Variants in GRIN2B observed in about 807,000 individuals in gnomAD.
GRIN2B encodes the protein glutamate ionotropic receptor NMDA type subunit 2B, also known as glutamate receptor ionotropic, NMDA 2B.
Under a neutral mutation model 114.5 loss-of-function variants are expected in GRIN2B, and 5 were observed. That is an observed-to-expected ratio of 0.04 (90% CI 0.02 to 0.09). The LOEUF is 0.09. Ranked by LOEUF, GRIN2B falls within the 10% of genes least tolerant of loss-of-function variation. The pLI, the probability that GRIN2B is intolerant of heterozygous loss-of-function variation, is 1.00. For synonymous variants in GRIN2B, 787 were observed against 745.1 expected (o/e 1.06, Z -0.92); for missense variants, 1,108 against 1,943.5 (o/e 0.57, Z 8.08).
chr12:13,965,773 G>A (rs376444622), intron 2 of GRIN2B, among the ~76,000 whole-genome samples: 1 of 151,984 alleles, frequency 6.6e-6, no homozygotes, highest in African/African-American at 2.4e-5. Context: ...TGGAAATTTT[G>A]GAAAGTAAAG....
intron 2 of GRIN2B, among the ~76,000 whole-genome samples, chr12:13,887,690 T>C (rs1866188602): frequency 6.6e-6 from 1 of 152,234 alleles, no homozygotes; most frequent in African/African-American, 2.4e-5. Context: ...GTAATAATTA[T>C]GGAAAGTGAG....
chr12:13,842,480 C>G (rs1002543330), intron 3 of GRIN2B, among the ~76,000 whole-genome samples: 1 of 151,998 alleles, frequency 6.6e-6, no homozygotes, highest in African/African-American at 2.4e-5. Context: ...AATTTCTGTG[C>G]CATTTTCTCC....
chr12:13,621,613 G>GTTTT (rs869106790), intron 5 of GRIN2B, among the ~76,000 whole-genome samples: 1 of 72,368 alleles, frequency 1.4e-5, no homozygotes, highest in African/African-American at 5.6e-5. Context: ...CCTAGTTTTT[G>GTTTT]TTTTTTTTTT....
chr12:13,872,183 T>C (rs554736440), intron 2 of GRIN2B, among the ~76,000 whole-genome samples: 84 of 151,942 alleles, frequency 5.5e-4, no homozygotes, highest in Non-Finnish European at 9.3e-4. Flanking sequence ...CTTCCACTTA[T>C]GGACATAAAG....
intron 3 of GRIN2B, among the ~76,000 whole-genome samples, chr12:13,835,982 G>A (rs11608471): frequency 0.16 from 23,948 of 152,094 alleles, 2,433 homozygotes; most frequent in Non-Finnish European, 0.22. Context: ...GCCTGCTGAG[G>A]GCCAGAGGGA....
At chr12:13,724,176 AC>A (rs1414145177) in intron 4 of GRIN2B, among the ~76,000 whole-genome samples, 1 of 152,042 alleles carries the variant, frequency 6.6e-6, no homozygotes, top group African/African-American at 2.4e-5. Context: ...TCAATATGTG[AC>A]CCCATCTCTC....
At chr12:13,863,754 C>A (rs1182976069) in intron 3 of GRIN2B, among the ~76,000 whole-genome samples, 1 of 152,020 alleles carries the variant, frequency 6.6e-6, no homozygotes, top group Non-Finnish European at 1.5e-5. Context: ...GTAAAAGGTA[C>A]CAGAGAGAAG....
intron 2 of GRIN2B, among the ~76,000 whole-genome samples, chr12:13,881,372 TG>T (rs954769811): frequency 6.6e-6 from 1 of 152,214 alleles, no homozygotes; most frequent in African/African-American, 2.4e-5. Flanking sequence ...TTCCCTTGCC[TG>T]GGCCATTCTC....
chr12:13,597,990 T>C (rs111263582), intron 10 of GRIN2B, among the ~76,000 whole-genome samples: 6 of 152,340 alleles, frequency 3.9e-5, no homozygotes, highest in Middle Eastern at 3.4e-3. Flanking sequence ...CTCTTACAGA[T>C]CCTGCATTCA....
intron 5 of GRIN2B, among the ~76,000 whole-genome samples, chr12:13,624,399 C>A (rs1949548829): frequency 6.6e-6 from 1 of 152,184 alleles, no homozygotes; most frequent in Admixed American, 6.5e-5. Flanking sequence ...TTCTCTTCAG[C>A]CTTCCTGATT....
At position 13,539,531 on chromosome 12, in the gene GRIN2B, C is replaced by T. The variant is rs548972902; in HGVS notation, c.*23252G>A. On this transcript the variant is annotated 3_prime_UTR_variant, in exon 14 of 14. Transcript: ENST00000609686. ...TCCATATATAAAGCCAGTAACAGGA[C>T]TGGGACTGGGAGTGGGGTGGGAAAC... The T allele has an allele frequency of 6.6e-6, 1 of 152,222 alleles. No homozygotes were observed. The highest frequency in any genetic ancestry group is 1.9e-4 in the East Asian group (1 of 5,174). 9.4% of individuals were successfully genotyped at this position (152,222 alleles called of 1,614,324 possible).
At chr12:13,811,360 G>T (rs1864725895) in intron 3 of GRIN2B, among the ~76,000 whole-genome samples, 1 of 152,170 alleles carries the variant, frequency 6.6e-6, no homozygotes, top group Non-Finnish European at 1.5e-5. Flanking sequence ...GAGCCAGGAG[G>T]GTCGCTTGAG....
chr12:13,644,515 A>C (rs1420367226), intron 5 of GRIN2B, among the ~76,000 whole-genome samples: 5 of 152,154 alleles, frequency 3.3e-5, no homozygotes, highest in Admixed American at 6.6e-5. Context: ...ACTGGCTTCA[A>C]CTTAAAATCA....
intron 4 of GRIN2B, among the ~76,000 whole-genome samples, chr12:13,732,718 A>C (rs1367354665): frequency 7.9e-5 from 12 of 152,234 alleles, no homozygotes; most frequent in Admixed American, 7.9e-4. Flanking sequence ...CAGTGAGTAT[A>C]GCTCTTTGCA....
intron 3 of GRIN2B, among the ~76,000 whole-genome samples, chr12:13,755,990 C>T (rs1863568614): frequency 6.6e-6 from 1 of 152,176 alleles, no homozygotes; most frequent in Non-Finnish European, 1.5e-5. Flanking sequence ...TCTTGAACTT[C>T]CCAGACTCCA....
At chr12:13,815,898 T>A (rs1864813759) in intron 3 of GRIN2B, among the ~76,000 whole-genome samples, 1 of 152,166 alleles carries the variant, frequency 6.6e-6, no homozygotes, top group Non-Finnish European at 1.5e-5. Context: ...AGAACACAAG[T>A]AGGTGATAAC....
chr12:13,834,366 G>A (rs992872682), intron 3 of GRIN2B, among the ~76,000 whole-genome samples: 3 of 151,904 alleles, frequency 2.0e-5, no homozygotes, highest in African/African-American at 4.8e-5. Flanking sequence ...ACTAGAAGAG[G>A]CTGTCCACAG....
chr12:13,619,502 C>T (rs1048756995), intron 5 of GRIN2B, among the ~76,000 whole-genome samples: 3 of 152,126 alleles, frequency 2.0e-5, no homozygotes, highest in Admixed American at 6.5e-5. Context: ...ATTCTCATTT[C>T]CCCAACAGTA....
intron 3 of GRIN2B, among the ~76,000 whole-genome samples, chr12:13,764,271 G>C (rs867834044): frequency 1.5e-3 from 234 of 151,762 alleles, no homozygotes; most frequent in African/African-American, 5.6e-3. Context: ...ACTCTCTCTG[G>C]CCCAGCCCAT....
Sources: gnomAD v4.1 joint callset for allele counts (sites outside exome capture counted in the v4.1 genomes callset) on GRCh38, gnomAD v4.1.1 for gene constraint, MANE v1.5 for transcripts, NCBI Gene and HGNC (gene_info 2026-07-23, HGNC 2026-07-21) for gene names.